Variants in SPEG observed in about 807,000 individuals in gnomAD.
The protein encoded by SPEG is striated muscle enriched protein kinase.
Under a neutral mutation model 300.4 loss-of-function variants are expected in SPEG, and 114 were observed. That is an observed-to-expected ratio of 0.38 (90% confidence interval 0.33 to 0.44). The LOEUF is 0.44. Among genes scored for constraint, SPEG ranks in the 20% least tolerant of loss-of-function variants. The pLI, the probability that SPEG is intolerant of heterozygous loss-of-function variation, is 1.00. For missense variants in SPEG, 4,201 were observed against 4,586.2 expected, an observed-to-expected ratio of 0.92 and a Z score of 2.43; for synonymous variants, 1,964 against 2,018.9, an observed-to-expected ratio of 0.97 and a Z score of 0.73.
chr2:219,485,125 GGA>G, intron 30 of SPEG, 53 bp downstream of exon 30: 1 of 1,519,264 alleles, frequency 6.6e-7, no homozygotes, highest in Non-Finnish European at 8.8e-7. Context: ...GGGGTGCGCT[GGA>G]GAGAGGCTGT....
At position 219,451,066 on chromosome 2, in the gene SPEG, G is replaced by A; in HGVS notation, c.2114-70G>A. 2 of 1,444,722 alleles carry A rather than the reference G, an allele frequency of 1.4e-6. No homozygotes were observed. The highest frequency in any genetic ancestry group is 1.8e-6 in the Non-Finnish European group (2 of 1,092,506). The allele number at this position is 1,444,722 out of a possible 1,614,324, so 89.5% of individuals were successfully genotyped here. ...TGGCTTTCTAGGATGCAGGCCACCA[G>A]GACTCTCTCTCCCGCTGTCATCCCT... On this transcript the variant is annotated intron_variant, in intron 4 of 40. Transcript: ENST00000312358. The surrounding 1 kb of genome is among the most constrained non-coding windows in gnomAD (Gnocchi z 6.4).
rs1691948040 is a variant in SPEG, at chr2:219,472,270, T to C, written c.3879T>C (p.Ala1293=). ...GPPDGAPQVV[A]VTGRMVTLTW... The stretch of plus-strand genomic sequence containing the variant: ...CAGATGGCGCCCCGCAGGTGGTGGC[T>C]GTGACGGGGAGGATGGTCACACTCA... Residue 1293 remains alanine, a synonymous_variant, in exon 15 of 41, where the codon GCT becomes GCC. Transcript: ENST00000312358. The C allele has an allele frequency of 4.3e-6, 7 of 1,613,744 alleles. No homozygotes were observed. The highest frequency in any genetic ancestry group is 2.2e-5 in the South Asian group (2 of 91,090).
At chr2:219,457,299 T>G (rs965652814) in intron 6 of SPEG, among the ~76,000 whole-genome samples, 1 of 152,090 alleles carries the variant, frequency 6.6e-6, no homozygotes, top group Non-Finnish European at 1.5e-5. Flanking sequence ...AAACCGTTTA[T>G]GGACTGGGTG....
In SPEG at chr2:219,483,570, C is replaced by T. The variant is rs1693072212; in HGVS notation, c.6107C>T (p.Ala2036Val). 2.7e-6 allele frequency: 4 copies of T among 1,455,668 alleles called. No individual in the cohort carries two copies. The highest frequency in any genetic ancestry group is 1.5e-5 in the African/African-American group (1 of 67,134). The allele number at this position is 1,455,668 out of a possible 1,614,324, so 90.2% of individuals were successfully genotyped here. The stretch of plus-strand genomic sequence containing the variant: ...CTGGGCCGGGGCCTGCACAAGGCGG[C>T]GTCTGTGGAGCTGCCGCAGCGCCGG... The part of the protein sequence containing the change: ...RELGRGLHKA[A>V]SVELPQRRSP... The change falls in exon 30 of 41, where the codon GCG (alanine) becomes GTG (valine). Residue 2036 changes from alanine (A) to valine (V), a missense_variant. Coordinates refer to ENST00000312358, the MANE Select transcript of SPEG (RefSeq NM_005876.5).
chr2:219,477,835 C>A lies in SPEG; in HGVS notation c.4826+50C>A. 1 of 1,595,690 alleles carries A rather than the reference C, an allele frequency of 6.3e-7. No homozygotes were observed. Among genetic ancestry groups the A allele is most frequent in the Non-Finnish European group, 8.6e-7 (1 of 1,166,416 alleles). On this transcript the variant is annotated intron_variant, in intron 21 of 40. Transcript: ENST00000312358. The surrounding 1 kb of genome is among the most constrained non-coding windows in gnomAD (Gnocchi z 6.4). ...TGGGGGCCGAGAGAGGCTGCTGGGT[C>A]TGAGGGTTGGGAGGGGTGGAGAGGG...
chr2:219,440,565 A>G (rs1197172946), intron 1 of SPEG, among the ~76,000 whole-genome samples: 1 of 29,504 alleles, frequency 3.4e-5, no homozygotes, highest in Non-Finnish European at 9.9e-5. Context: ...ATTTTATTTT[A>G]TTTATTTATT....
rs763704831 is a variant in SPEG at position 219,490,491 on chromosome 2, G to A, written c.9004G>A (p.Glu3002Lys). 7 of 1,613,476 alleles carry A rather than the reference G, an allele frequency of 4.3e-6. No individual in the cohort carries two copies. The highest frequency in any genetic ancestry group is 1.3e-5 in the African/African-American group (1 of 74,938). ...GGCCAAGATCGTGCCCTATGCTGCC[G>A]AGGGCAAGCGGCGGGTCCTGCAGGA... Reference protein sequence around the residue: ...FVAKIVPYAAEGKRRVLQEYE... With the variant: ...FVAKIVPYAAKGKRRVLQEYE... The change falls in exon 37 of 41, where the codon GAG becomes AAG. Residue 3002 changes from glutamate (E) to lysine (K), a missense_variant. This residue lies in a region of SPEG where 318 missense variants were observed against 429.5 expected (regional missense o/e 0.74). Coordinates refer to ENST00000312358, the MANE Select transcript of SPEG (RefSeq NM_005876.5).
Position 219,461,958 on chromosome 2 carries a change from G to T in SPEG, c.2517G>T (p.Glu839Asp). 6.2e-7 allele frequency: 1 copy of T among 1,613,774 alleles called. No individual in the cohort carries two copies. The highest frequency in any genetic ancestry group is 8.5e-7 in the Non-Finnish European group (1 of 1,179,888). The stretch of plus-strand genomic sequence containing the variant: ...TGAGCCCCCCAGAGGAGTTCCCAGA[G>T]CCTGGGGAGACCTGGCCGCGAACCC... ...EYLSPPEEFP[E>D]PGETWPRTPT... Residue 839 changes from glutamate (E) to aspartate (D), a missense_variant, in exon 7 of 41, where the codon GAG (glutamate) becomes GAT (aspartate). Transcript: ENST00000312358.
In SPEG at chr2:219,480,543, T is replaced by A; in HGVS notation, c.5343-128T>A. On this transcript the variant is annotated intron_variant, in intron 25 of 40. Transcript: ENST00000312358. This position sits in a 1 kb window ranked among gnomAD's most constrained non-coding sequence, Gnocchi z 5.3. ...GGGTCCTCCCTGAAGAAGCCACTCCTGTGCCCATTGTCCATGGCAGTGTTC... is the reference window on the plus strand; with the variant it reads ...GGGTCCTCCCTGAAGAAGCCACTCCAGTGCCCATTGTCCATGGCAGTGTTC... 1.1e-6 allele frequency: 1 copy of A among 943,452 alleles called. No homozygotes were observed. Among genetic ancestry groups the A allele is most frequent in the Non-Finnish European group, 1.7e-6 (1 of 580,716 alleles). The allele number at this position is 943,452 out of a possible 1,614,324, so 58.4% of individuals were successfully genotyped here. A position where few individuals can be genotyped will look rare whatever the true frequency, so the allele number is the denominator to read the frequency against.
At chr2:219,455,527 G>T (rs1202096594) in intron 6 of SPEG, among the ~76,000 whole-genome samples, 1 of 152,072 alleles carries the variant, frequency 6.6e-6, no homozygotes, top group Non-Finnish European at 1.5e-5. Context: ...GCCTTCTTGG[G>T]ATGGTCAGCT....
rs557444385 is a variant in SPEG, at chr2:219,492,887, G to A, written c.*101G>A. 2.3e-5 allele frequency: 28 copies of A among 1,193,572 alleles called. No homozygotes were observed. The highest frequency in any genetic ancestry group is 2.8e-5 in the Non-Finnish European group (23 of 836,048). The allele number at this position is 1,193,572 out of a possible 1,614,324, so 73.9% of individuals were successfully genotyped here. On this transcript the variant is annotated 3_prime_UTR_variant, in exon 41 of 41. Transcript: ENST00000312358. ...CTGAGCCAGGCGGGCCTGGGGCTTCGGTTACCACCAGCAGCAACATCTGGC... is the reference window on the plus strand; with the variant it reads ...CTGAGCCAGGCGGGCCTGGGGCTTCAGTTACCACCAGCAGCAACATCTGGC...
Position 219,444,180 on chromosome 2 carries a change from G to A in SPEG, c.389-473G>A, listed in dbSNP as rs901518709. The stretch of plus-strand genomic sequence containing the variant: ...TGCAGCTGGTTTGGGGTAGAGGACA[G>A]GCTGGCCCCGCGGTTGGTCGAGTGC... On this transcript the variant is annotated intron_variant, in intron 1 of 40. Transcript: ENST00000312358. This position sits in a 1 kb window ranked among gnomAD's most constrained non-coding sequence, Gnocchi z 7.8. 1.2e-5 allele frequency: 8 copies of A among 693,166 alleles called. No homozygotes were observed. The highest frequency in any genetic ancestry group is 1.8e-5 in the Non-Finnish European group (8 of 432,742). The allele number at this position is 693,166 out of a possible 1,614,324, so 42.9% of individuals were successfully genotyped here. A position where few individuals can be genotyped will look rare whatever the true frequency, so the allele number is the denominator to read the frequency against.
At chr2:219,460,557 G>A (rs1690580108) in intron 6 of SPEG, 1 of 985,342 alleles carries the variant, frequency 1.0e-6, no homozygotes, top group African/African-American at 1.7e-5. Flanking sequence ...GCACCGCAGA[G>A]CGGGCTTTGC....
chr2:219,489,033 C>G (rs1693716245), intron 34 of SPEG, 21 bp from the exon 35 acceptor site: 1 of 1,612,332 alleles, frequency 6.2e-7, no homozygotes. Context: ...GACCTCAGCC[C>G]CTCCCCCATA....
Position 219,488,678 on chromosome 2 carries a change from C to T in SPEG, c.8026+13C>T. On this transcript the variant is annotated intron_variant, in intron 33 of 40. Coordinates refer to ENST00000312358, the MANE Select transcript of SPEG (RefSeq NM_005876.5). ...GTGGCTGTGGCCCGTGAGCCTGGGG[C>T]AGGGCCCCAGGGGGGTAGTGATGGG... The T allele has an allele frequency of 1.9e-6, 3 of 1,601,382 alleles. No homozygotes were observed. The highest frequency in any genetic ancestry group is 2.6e-6 in the Non-Finnish European group (3 of 1,172,738).
rs765317835 is a variant in SPEG, at chr2:219,473,123, G to T, written c.4147+27G>T. ...TGAGCCTGGGTGCTCCTGTCGGGTG[G>T]GGGTGGGAGCTGCTGGGATGGGGAA... On this transcript the variant is annotated intron_variant, in intron 16 of 40. Coordinates refer to ENST00000312358, the MANE Select transcript of SPEG (RefSeq NM_005876.5). The surrounding 1 kb of genome is among the most constrained non-coding windows in gnomAD (Gnocchi z 4.6). 8 of 1,604,016 alleles carry T rather than the reference G, an allele frequency of 5.0e-6. No homozygotes were observed. Among genetic ancestry groups the T allele is most frequent in the Non-Finnish European group, 6.8e-6 (8 of 1,174,390 alleles).
chr2:219,466,226 GGGGGATAGCCCAT>G, intron 9 of SPEG: 4 of 1,452,620 alleles, frequency 2.8e-6, no homozygotes, highest in Non-Finnish European at 3.6e-6. Flanking sequence ...GCAGCCCCCA[GGGGGATAGCCCAT>G]GGGCCCCTGT....
chr2:219,456,178 A>G (rs1164127882), intron 6 of SPEG, among the ~76,000 whole-genome samples: 1 of 152,248 alleles, frequency 6.6e-6, no homozygotes, highest in Non-Finnish European at 1.5e-5. Flanking sequence ...TCATAGAATC[A>G]ACATGACCAC....
Position 219,443,415 on chromosome 2 carries a change from A to G in SPEG, c.389-1238A>G, listed in dbSNP as rs76705786. ...CTCCATGTGAGGCCTAATGGGAAGGAGTTCATTGCCATGCTTTGGCAACCA... is the reference window on the plus strand; with the variant it reads ...CTCCATGTGAGGCCTAATGGGAAGGGGTTCATTGCCATGCTTTGGCAACCA... On this transcript the variant is annotated intron_variant, in intron 1 of 40. Coordinates refer to ENST00000312358, the MANE Select transcript of SPEG (RefSeq NM_005876.5). The surrounding 1 kb of genome is among the most constrained non-coding windows in gnomAD (Gnocchi z 4.6). 15,431 of 525,714 alleles carry G rather than the reference A, an allele frequency of 0.029. 357 individuals carry two copies. Among genetic ancestry groups the G allele is most frequent in the East Asian group, 0.075 (2,298 of 30,694 alleles). The allele number at this position is 525,714 out of a possible 1,614,324, so 32.6% of individuals were successfully genotyped here.
Sources: gnomAD v4.1 joint callset for allele counts (sites outside exome capture counted in the v4.1 genomes callset) on GRCh38, gnomAD v4.1.1 for gene constraint, gnomAD v4.1.1 regional missense constraint, Gnocchi (gnomAD v3.1) non-coding constraint, MANE v1.5 for transcripts, NCBI Gene and HGNC (gene_info 2026-07-23, HGNC 2026-07-21) for gene names.